Variants in SPTBN2 observed in about 807,000 individuals in gnomAD.
SPTBN2 encodes spectrin beta, non-erythrocytic 2.
Under a neutral mutation model 284.2 loss-of-function variants are expected in SPTBN2, and 107 were observed. That is an observed-to-expected ratio of 0.38 (90% CI 0.32 to 0.44). The LOEUF (loss-of-function observed/expected upper bound fraction) is 0.44, where lower values mean the gene tolerates loss of function less well. Ranked by LOEUF, SPTBN2 falls within the 20% of genes least tolerant of loss-of-function variation. The pLI is 1.00. For synonymous variants in SPTBN2, 1,289 were observed against 1,354.8 expected (o/e 0.95, Z 1.07); for missense variants, 2,569 against 3,287.1 (o/e 0.78, Z 5.34).
rs1233012221 is a variant in SPTBN2 at position 66,693,880 on chromosome 11, G to A, written c.4504-19C>T. The A allele has an allele frequency of 1.2e-6, 2 of 1,611,170 alleles. No individual in the cohort carries two copies. The highest frequency in any genetic ancestry group is 8.5e-7 in the Non-Finnish European group (1 of 1,178,026). ...CCCACAACTGGAAGAGGAAGAGGGG[G>A]TCAGTGGAGGCCCAGAGGGCAAGGC... On this transcript the variant is annotated intron_variant, in intron 22 of 37. Coordinates refer to ENST00000533211, the MANE Select transcript of SPTBN2 (RefSeq NM_006946.4). This position sits in a 1 kb window ranked among gnomAD's most constrained non-coding sequence, Gnocchi z 5.7.
intron 20 of SPTBN2, 121 bp downstream of exon 20, chr11:66,698,518 T>C (rs1941060381): frequency 2.1e-6 from 3 of 1,456,972 alleles, no homozygotes; most frequent in Admixed American, 1.7e-5. Context: ...CTTTCCACCA[T>C]GGAGCTGTGG....
chr11:66,720,796 GAC>G (rs1942365162), intron 3 of SPTBN2, among the ~76,000 whole-genome samples: 2 of 152,184 alleles, frequency 1.3e-5, no homozygotes, highest in African/African-American at 4.8e-5. Flanking sequence ...AGGATGAAGG[GAC>G]ATGACCCGGG....
In SPTBN2 at chr11:66,705,709, G is replaced by A. The variant is rs377312636; in HGVS notation, c.1782C>T (p.Ala594=). The change falls in exon 14 of 38, where the codon GCC becomes GCT. Residue 594 remains alanine (A), a synonymous_variant. Coordinates refer to ENST00000533211, the MANE Select transcript of SPTBN2 (RefSeq NM_006946.4). The stretch of plus-strand genomic sequence containing the variant: ...CTTTCCCTGGGTTGCAGAAGCGCAG[G>A]GCAGAGGCGCTGACGGCCCGCACCC... ...AERVRAVSAS[A]LRFCNPGKEY... The A allele has an allele frequency of 4.7e-5, 75 of 1,612,104 alleles. No individual in the cohort carries two copies. Among genetic ancestry groups the A allele is most frequent in the Admixed American group, 6.7e-5 (4 of 60,006 alleles).
At position 66,688,277 on chromosome 11, in the gene SPTBN2, CTCTT is replaced by C; in HGVS notation, c.6262_6265del (p.Lys2088GlyfsTer228). The C allele has an allele frequency of 6.2e-7, 1 of 1,609,812 alleles. No individual in the cohort carries two copies. The highest frequency in any genetic ancestry group is 8.5e-7 in the Non-Finnish European group (1 of 1,178,204). ...CTGTTTCCGCCGCTCCTCCTCCTCC[CTCTT>C]TCTCTTTCGCTCCTTCTCCCGCTCC... is the stretch of plus-strand genomic sequence containing the variant. On this transcript the variant is annotated frameshift_variant, in exon 32 of 38. Coordinates refer to ENST00000533211, the MANE Select transcript of SPTBN2 (RefSeq NM_006946.4). LOFTEE classifies it high-confidence loss of function.
Position 66,737,105 on chromosome 11 carries a change from A to G in SPTBN2, c.-475+7437T>C, listed in dbSNP as rs780341644. On this transcript the variant is annotated intron_variant, in intron 1 of 37. Transcript: ENST00000611817. ...ACCTGGTACCAGATAAGGGCCCAATAAGTGTTAGCTATTACTGTTATCATT... is the reference window on the plus strand; with the variant it reads ...ACCTGGTACCAGATAAGGGCCCAATGAGTGTTAGCTATTACTGTTATCATT... 3.8e-4 allele frequency among the ~76,000 whole-genome samples: 58 copies of G among 152,322 alleles called. No individual in the cohort carries two copies. The Middle Eastern group carries it at 0.01, about 27-fold the overall frequency.
chr11:66,709,397 C>CA (rs1366710637), intron 10 of SPTBN2, among the ~76,000 whole-genome samples: 2 of 152,142 alleles, frequency 1.3e-5, no homozygotes, highest in Non-Finnish European at 2.9e-5. Context: ...AGGCTGGTCT[C>CA]AAACTCCTGA....
chr11:66,715,112 G>T lies in SPTBN2; in HGVS notation c.483+110C>A. The T allele has an allele frequency of 1.4e-6, 2 of 1,403,968 alleles. No homozygotes were observed. The highest frequency in any genetic ancestry group is 1.2e-5 in the South Asian group (1 of 84,188). 87.0% of individuals were successfully genotyped at this position (1,403,968 alleles called of 1,614,324 possible). A position where few individuals can be genotyped will look rare whatever the true frequency, so the allele number is the denominator to read the frequency against. On this transcript the variant is annotated intron_variant, in intron 5 of 37. Coordinates refer to ENST00000533211, the MANE Select transcript of SPTBN2 (RefSeq NM_006946.4). The surrounding 1 kb of genome is among the most constrained non-coding windows in gnomAD (Gnocchi z 5.3). ...CGCCGCCATGGCAGCTGCTACATAA[G>T]GTTCTAGATCCTCCATCTTTGTGTT...
chr11:66,721,088 C>T lies in SPTBN2; in HGVS notation c.153G>A (p.Leu51=), dbSNP rs1242192484. 1 of 1,614,196 alleles carries T rather than the reference C, an allele frequency of 6.2e-7. No individual in the cohort carries two copies. ...TCGACCCTCCTCTGACCTCACCTGC[C>T]AGAGCCTTAATGCGAGACCTCTCAA... ...RLFERSRIKA[L]ADEREAVQKK... Residue 51 remains leucine, a synonymous_variant, in exon 3 of 38, where the codon CTG becomes CTA. Coordinates refer to ENST00000533211, the MANE Select transcript of SPTBN2 (RefSeq NM_006946.4).
Position 66,701,633 on chromosome 11 carries a change from G to C in SPTBN2, c.2767C>G (p.Pro923Ala), listed in dbSNP as rs778457729. Residue 923 changes from proline to alanine, a missense_variant, in exon 16 of 38, where the codon CCC becomes GCC. Pro to Ala is a conservative substitution (Grantham distance 27). Transcript: ENST00000533211. ...DIAEQLLKANPPGKDRIVNTQ... is the reference protein window; with the variant it reads ...DIAEQLLKANAPGKDRIVNTQ... ...TTGACAATGCGGTCTTTGCCTGGGG[G>C]GTTGGCCTTCAGTAACTGCTCGGCA... The C allele has an allele frequency of 6.2e-7, 1 of 1,613,944 alleles. No individual in the cohort carries two copies. The highest frequency in any genetic ancestry group is 1.3e-5 in the African/African-American group (1 of 74,882).
At position 66,688,718 on chromosome 11, in the gene SPTBN2, C is replaced by T. The variant is rs774407429; in HGVS notation, c.6166G>A (p.Glu2056Lys). Residue 2056 changes from glutamate (E) to lysine (K), a missense_variant, in exon 31 of 38, where the codon GAG becomes AAG. Coordinates refer to ENST00000533211, the MANE Select transcript of SPTBN2 (RefSeq NM_006946.4). Reference sequence around the variant, plus strand: ...GCCACTGCTGACTTCTGGAAGGCCTCGTGCCGCTTGATGAGGCTCTCAACT... The same window carrying T: ...GCCACTGCTGACTTCTGGAAGGCCTTGTGCCGCTTGATGAGGCTCTCAACT... ...DEVESLIKRHEAFQKSAVAWE... is the reference protein window; with the variant it reads ...DEVESLIKRHKAFQKSAVAWE... The T allele has an allele frequency of 8.1e-6, 13 of 1,613,748 alleles. No homozygotes were observed. The highest frequency in any genetic ancestry group is 6.7e-5 in the Admixed American group (4 of 60,012).
In SPTBN2 at chr11:66,704,943, T is replaced by C. The variant is rs1385667803; in HGVS notation, c.2333A>G (p.Asp778Gly). The stretch of plus-strand genomic sequence containing the variant: ...GGCTAGAGCCTGCGTGGAGAACTCG[T>C]CGTGCCCCAGCTCGGGGCTGGACAC... ...RLVSSPELGHDEFSTQALARQ... is the reference protein window; with the variant it reads ...RLVSSPELGHGEFSTQALARQ... Residue 778 changes from aspartate (D) to glycine (G), a missense_variant, in exon 15 of 38, where the codon GAC (aspartate) becomes GGC (glycine). Physicochemically the swap from Asp to Gly is moderately conservative, Grantham distance 94. Around this residue, in one of 6 missense-constraint regions of SPTBN2, gnomAD observed 1,012 missense variants for 1,248.9 expected, o/e 0.81. Coordinates refer to ENST00000533211, the MANE Select transcript of SPTBN2 (RefSeq NM_006946.4). 1.9e-6 allele frequency: 3 copies of C among 1,610,776 alleles called. No homozygotes were observed. Among genetic ancestry groups the C allele is most frequent in the Non-Finnish European group, 2.5e-6 (3 of 1,179,888 alleles).
intron 15 of SPTBN2, among the ~76,000 whole-genome samples, chr11:66,702,402 T>C (rs1317840620): frequency 3.3e-5 from 5 of 152,096 alleles, no homozygotes; most frequent in Admixed American, 2.6e-4. Flanking sequence ...CCTGACCTCA[T>C]GCTCCACCCG....
In SPTBN2 at chr11:66,715,708, G is replaced by A; in HGVS notation, c.309+122C>T. 1 of 1,361,918 alleles carries A rather than the reference G, an allele frequency of 7.3e-7. No individual in the cohort carries two copies. The highest frequency in any genetic ancestry group is 1.0e-6 in the Non-Finnish European group (1 of 983,108). The allele number at this position is 1,361,918 out of a possible 1,614,324, so 84.4% of individuals were successfully genotyped here. A position where few individuals can be genotyped will look rare whatever the true frequency, so the allele number is the denominator to read the frequency against. Reference sequence around the variant, plus strand: ...GGCACTTGAAATGAACCCATCCTCTGAGCAGAGGGAGCCACTGCTTCCCGC... The same window carrying A: ...GGCACTTGAAATGAACCCATCCTCTAAGCAGAGGGAGCCACTGCTTCCCGC... On this transcript the variant is annotated intron_variant, in intron 4 of 37. Coordinates refer to ENST00000533211, the MANE Select transcript of SPTBN2 (RefSeq NM_006946.4). This position sits in a 1 kb window ranked among gnomAD's most constrained non-coding sequence, Gnocchi z 5.3.
intron 37 of SPTBN2, 27 bp from the exon 38 acceptor site, chr11:66,686,131 C>T (rs752426876): frequency 6.2e-7 from 1 of 1,602,140 alleles, no homozygotes. Context: ...CCTCAATCAG[C>T]TTCAAGGACA....
chr11:66,742,889 C>G (rs1180743254), intron 1 of SPTBN2, among the ~76,000 whole-genome samples: 1 of 152,196 alleles, frequency 6.6e-6, no homozygotes, highest in African/African-American at 2.4e-5. Context: ...GGATTACAGG[C>G]GTGAGCCACT....
chr11:66,733,677 G>A (rs1590997641), upstream of SPTBN2, among the ~76,000 whole-genome samples: 1 of 152,162 alleles, frequency 6.6e-6, no homozygotes, highest in African/African-American at 2.4e-5. Context: ...GAAATAGATG[G>A]TAATTGAAGG....
At chr11:66,698,854 T>A (rs886332116) in intron 19 of SPTBN2, 69 bp from the exon 20 acceptor site, 2 of 1,607,520 alleles carry the variant, frequency 1.2e-6, no homozygotes, top group Admixed American at 1.7e-5. Context: ...AGGGCCACAG[T>A]GAGCCAGGAG....
chr11:66,710,704 C>G lies in SPTBN2; in HGVS notation c.951G>C (p.Leu317=). ...VEKYESLASE[L]LQWIEQTIVT... is the part of the protein sequence containing the mutation. ...CGATCGTTTGCTCGATCCACTGCAG[C>G]AGCTCCGAGGCCAGGGACTCGTATT... The change falls in exon 10 of 38, where the codon CTG becomes CTC. Residue 317 remains leucine (L), a synonymous_variant. Coordinates refer to ENST00000533211, the MANE Select transcript of SPTBN2 (RefSeq NM_006946.4). The surrounding 1 kb of genome is among the most constrained non-coding windows in gnomAD (Gnocchi z 4.9). 6.2e-7 allele frequency: 1 copy of G among 1,614,212 alleles called. No homozygotes were observed. Among genetic ancestry groups the G allele is most frequent in the Non-Finnish European group, 8.5e-7 (1 of 1,180,038 alleles).
At chr11:66,716,410 G>C (rs1449666466) in intron 3 of SPTBN2, among the ~76,000 whole-genome samples, 1 of 152,042 alleles carries the variant, frequency 6.6e-6, no homozygotes, top group South Asian at 2.1e-4. Flanking sequence ...AACCTGGGAG[G>C]GGGAGCTTGC....
Sources: allele counts gnomAD v4.1 joint callset (sites outside exome capture counted in the v4.1 genomes callset), GRCh38; gene constraint gnomAD v4.1.1; regional missense constraint gnomAD v4.1.1; non-coding constraint Gnocchi (gnomAD v3.1); transcripts MANE v1.5; gene names NCBI Gene and HGNC (gene_info 2026-07-23, HGNC 2026-07-21).